The following APLP2 variants were observed in gnomAD, a reference collection of about 807,000 sequenced individuals.
APLP2 encodes the protein amyloid beta precursor like protein 2.
Under a neutral mutation model 89.9 loss-of-function variants are expected in APLP2, and 53 were observed. The ratio of observed to expected loss-of-function variants is 0.59; its 90% CI spans 0.47 to 0.74. The LOEUF (loss-of-function observed/expected upper bound fraction) is 0.74, where lower values mean the gene tolerates loss of function less well. APLP2 is among the 30% of genes least tolerant of loss of function. The probability of loss-of-function intolerance (pLI) is 0.00; values close to 1 mark genes in which losing one functional copy is unlikely to be tolerated. For synonymous variants in APLP2, 372 were observed against 348.6 expected (o/e 1.07, Z -0.75); for missense variants, 973 against 975.9 (o/e 1.00, Z 0.04).
intron 13 of APLP2, among the ~76,000 whole-genome samples, chr11:130,138,594 T>TTG (rs1477610611): frequency 1.4e-5 from 2 of 142,516 alleles, no homozygotes; most frequent in South Asian, 2.4e-4. Flanking sequence ...TTTTTTTTTT[T>TTG]TTTTTTTTTT....
intron 1 of APLP2, among the ~76,000 whole-genome samples, chr11:130,106,940 G>T (rs1212079550): frequency 1.3e-5 from 2 of 152,146 alleles, no homozygotes; most frequent in African/African-American, 4.8e-5. Flanking sequence ...GCCTGCCTTG[G>T]CCTCCCAAAA....
At chr11:130,140,347 G>C (rs1952202483) in intron 13 of APLP2, 51 bp from the exon 14 acceptor site, 1 of 1,460,494 alleles carries the variant, frequency 6.8e-7, no homozygotes, top group Non-Finnish European at 9.4e-7. Context: ...TGTGCAATGG[G>C]TGTGAGATGG....
In APLP2 at chr11:130,130,196, G is replaced by A. The variant is rs73046915; in HGVS notation, c.1584+30G>A. On this transcript the variant is annotated intron_variant, in intron 11 of 16. Transcript: ENST00000338167. ...AGTAGATGTAGTAGAAATTGCTGCC[G>A]TGAGGGCATTTCCAGTGGGGAACAT... 14,986 of 1,614,100 alleles carry A rather than the reference G, an allele frequency of 9.3e-3. 183 individuals carry two copies. The highest frequency in any genetic ancestry group is 0.061 in the African/African-American group (4,603 of 75,036).
At chr11:130,073,061 G>T (rs11824832) in intron 1 of APLP2, among the ~76,000 whole-genome samples, 1 of 152,038 alleles carries the variant, frequency 6.6e-6, no homozygotes, top group Non-Finnish European at 1.5e-5. Flanking sequence ...TTGGTTATGC[G>T]AATTTACTTT....
intron 7 of APLP2, among the ~76,000 whole-genome samples, chr11:130,125,784 T>C (rs929078776): frequency 2.0e-5 from 3 of 152,222 alleles, no homozygotes; most frequent in Non-Finnish European, 4.4e-5. Context: ...CCACACCAGC[T>C]TGGGAAATCT....
chr11:130,103,686 T>C (rs1372935129), intron 1 of APLP2, among the ~76,000 whole-genome samples: 1 of 152,190 alleles, frequency 6.6e-6, no homozygotes, highest in Non-Finnish European at 1.5e-5. Context: ...TACGATGAAA[T>C]TGACCATTCC....
rs182180082 is a variant in APLP2, at chr11:130,113,257, C to T, written c.403+2596C>T. Reference sequence around the variant, plus strand: ...AAATACTACTATAGTTGGTACACAACAGAAATTTTATTTTATTGCTTTATT... The same window carrying T: ...AAATACTACTATAGTTGGTACACAATAGAAATTTTATTTTATTGCTTTATT... On this transcript the variant is annotated intron_variant, in intron 3 of 16. Coordinates refer to ENST00000338167, the MANE Select transcript of APLP2 (RefSeq NM_001142276.2). 1.2e-3 allele frequency among the ~76,000 whole-genome samples: 178 copies of T among 152,278 alleles called. 2 individuals are homozygous for T. In the Middle Eastern group the frequency reaches 0.037, roughly 32 times the overall value.
chr11:130,091,623 TGG>T (rs1945241955), intron 1 of APLP2, among the ~76,000 whole-genome samples: 1 of 93,808 alleles, frequency 1.1e-5, no homozygotes, highest in Admixed American at 1.1e-4. Context: ...CCAGACGGGG[TGG>T]CTGGCCGGGC....
In APLP2 at chr11:130,122,401, C is replaced by T; in HGVS notation, c.810C>T (p.Asp270=). 2 of 1,614,046 alleles carry T rather than the reference C, an allele frequency of 1.2e-6. No homozygotes were observed. The highest frequency in any genetic ancestry group is 1.7e-6 in the Non-Finnish European group (2 of 1,180,018). Residue 270 remains aspartate (D), a synonymous_variant, in exon 6 of 17, where the codon GAC becomes GAT. Transcript: ENST00000338167. The part of the protein sequence containing the change: ...DEEEGEEVVE[D]RDYYYDTFKG... ...AAGAAGGGGAGGAAGTGGTGGAGGACCGAGATTACTACTATGACACCTTCA... is the reference window on the plus strand; with the variant it reads ...AAGAAGGGGAGGAAGTGGTGGAGGATCGAGATTACTACTATGACACCTTCA...
chr11:130,074,710 A>C (rs1227921379), intron 1 of APLP2, among the ~76,000 whole-genome samples: 1 of 152,222 alleles, frequency 6.6e-6, no homozygotes, highest in African/African-American at 2.4e-5. Context: ...AATATTGTAT[A>C]TACCCTTCTG....
rs143654710 is a variant in APLP2, at chr11:130,110,206, C to T, written c.280-332C>T. 1.7e-3 allele frequency among the ~76,000 whole-genome samples: 252 copies of T among 152,286 alleles called. 4 individuals carry two copies. In the East Asian group the frequency reaches 0.024, roughly 14 times the overall value. On this transcript the variant is annotated intron_variant, in intron 2 of 16. Transcript: ENST00000338167. ...CAGATGTTTCCATAGACTTGCCTCA[C>T]GGAGCCATCAGTTCAACAGCTACCC...
intron 3 of APLP2, among the ~76,000 whole-genome samples, chr11:130,119,895 A>G (rs770707274): frequency 9.0e-4 from 137 of 152,332 alleles, no homozygotes; most frequent in Middle Eastern, 3.4e-3. Context: ...AGTGTTTTTT[A>G]TAGCTTCCTT....
chr11:130,083,846 G>A (rs7934195), intron 1 of APLP2, among the ~76,000 whole-genome samples: 16,797 of 152,048 alleles, frequency 0.11, 1,186 homozygotes, highest in East Asian at 0.24. Flanking sequence ...GTATACCCAG[G>A]TGTGAGATTG....
chr11:130,082,725 G>T, intron 1 of APLP2: 1 of 225,666 alleles, frequency 4.4e-6, no homozygotes, highest in Admixed American at 4.7e-5. Flanking sequence ...GGTGCATTTG[G>T]GACAGCCTAG....
At chr11:130,109,925 G>A (rs558146498) in intron 2 of APLP2, 38 of 254,120 alleles carry the variant, frequency 1.5e-4, no homozygotes, top group Non-Finnish European at 2.3e-4. Flanking sequence ...CTGACAGAAA[G>A]CCACCAGTAT....
At position 130,135,732 on chromosome 11, in the gene APLP2, G is replaced by A. The variant is rs751143865; in HGVS notation, c.1837+17G>A. The A allele has an allele frequency of 1.9e-6, 3 of 1,612,834 alleles. No individual in the cohort carries two copies. Among genetic ancestry groups the A allele is most frequent in the Non-Finnish European group, 1.7e-6 (2 of 1,179,312 alleles). On this transcript the variant is annotated intron_variant, in intron 13 of 16. Transcript: ENST00000338167. ...AGAACGAAGGTGTGTATGGGCGACG[G>A]TGCCACTTCTGGGCAGCAGGGGGAG...
intron 11 of APLP2, among the ~76,000 whole-genome samples, chr11:130,130,721 C>G (rs1950849214): frequency 1.3e-5 from 2 of 152,182 alleles, no homozygotes; most frequent in Admixed American, 6.5e-5. Context: ...CCTAGCTCAG[C>G]CTTAGTTTTC....
At chr11:130,138,297 A>G (rs1035308443) in intron 13 of APLP2, among the ~76,000 whole-genome samples, 4 of 152,220 alleles carry the variant, frequency 2.6e-5, no homozygotes, top group African/African-American at 4.8e-5. Flanking sequence ...TGTGATTTCA[A>G]TCTTCTGAAA....
Position 130,121,797 on chromosome 11 carries a change from GA to G in APLP2, c.701del (p.Asp234ValfsTer82). 2 of 1,611,708 alleles carry G rather than the reference GA, an allele frequency of 1.2e-6. No homozygotes were observed. On this transcript the variant is annotated frameshift_variant, in exon 5 of 17. Transcript: ENST00000338167. LOFTEE classifies it high-confidence loss of function. Reference protein sequence around the residue: ...EEEEDEEEDYDVYKSEFPTEA... With the variant: ...EEEEDEEEDYXVYKSEFPTEA... ...AGAGGAAGATGAAGAGGAAGACTAT[GA>G]TGTTTATAAAAGGTAACTCTTCTAC...
Sources: gnomAD v4.1 joint callset for allele counts (sites outside exome capture counted in the v4.1 genomes callset) on GRCh38, gnomAD v4.1.1 for gene constraint, MANE v1.5 for transcripts, NCBI Gene and HGNC (gene_info 2026-07-23, HGNC 2026-07-21) for gene names.